The following SSH2 variants were observed in gnomAD, a reference collection of about 807,000 sequenced individuals.
The protein encoded by SSH2 is slingshot protein phosphatase 2, also known as protein phosphatase Slingshot homolog 2.
SSH2 carries 37 observed loss-of-function variants against 135.2 expected under a neutral mutation model. The observed-to-expected ratio is 0.27, with a 90% CI of 0.21 to 0.36. SSH2 has a LOEUF of 0.36. Ranked by LOEUF, SSH2 falls within the 10% of genes least tolerant of loss-of-function variation. The pLI is 1.00. For synonymous variants in SSH2, 628 were observed against 646.2 expected, an observed-to-expected ratio of 0.97 and a Z score of 0.43; for missense variants, 1,408 against 1,765.3, an observed-to-expected ratio of 0.80 and a Z score of 3.63.
At chr17:29,839,834 A>C (rs1225393205) in intron 2 of SSH2, among the ~76,000 whole-genome samples, 1 of 152,228 alleles carries the variant, frequency 6.6e-6, no homozygotes, top group African/African-American at 2.4e-5. Context: ...CATAAGTTAA[A>C]GAGCACCGGC....
chr17:29,709,296 A>G (rs190382615), intron 3 of SSH2, among the ~76,000 whole-genome samples: 4 of 152,210 alleles, frequency 2.6e-5, no homozygotes, highest in South Asian at 2.1e-4. Context: ...ATGCTCTACC[A>G]TGTTGTTTTC....
rs375395373 is a variant in SSH2, at chr17:29,848,208, A to G, written c.144+641T>C. Among the ~76,000 whole-genome samples the G allele has an allele frequency of 8.5e-5, 13 of 152,310 alleles. 1 individual carries two copies. The highest frequency in any genetic ancestry group is 2.9e-4 in the African/African-American group (12 of 41,572). ...GATATACTGAGAATTTCCACTGCTC[A>G]TTGCAACACACAAAAATAAGTCAAT... is the stretch of plus-strand genomic sequence containing the variant. On this transcript the variant is annotated intron_variant, in intron 2 of 15. Transcript: ENST00000540801.
At chr17:29,927,492 T>C (rs1019359571) in intron 1 of SSH2, among the ~76,000 whole-genome samples, 5 of 152,204 alleles carry the variant, frequency 3.3e-5, no homozygotes, top group Non-Finnish European at 5.9e-5. Flanking sequence ...AACAGCGTAC[T>C]TAAAGTGATT....
chr17:29,752,688 A>C (rs2040982412), intron 3 of SSH2, among the ~76,000 whole-genome samples: 1 of 152,112 alleles, frequency 6.6e-6, no homozygotes, highest in Admixed American at 6.5e-5. Context: ...CTATATAAAA[A>C]TGTAAAACTT....
chr17:29,898,456 C>A (rs1486877952), intron 1 of SSH2, among the ~76,000 whole-genome samples: 1 of 151,006 alleles, frequency 6.6e-6, no homozygotes, highest in South Asian at 2.1e-4. Context: ...ATATCACCAC[C>A]GATCCCACAG....
chr17:29,710,888 A>C (rs868302538), intron 3 of SSH2, among the ~76,000 whole-genome samples: 2 of 152,292 alleles, frequency 1.3e-5, no homozygotes, highest in South Asian at 2.1e-4. Context: ...AACAGGAGAA[A>C]ATCCAAACTC....
intron 1 of SSH2, among the ~76,000 whole-genome samples, chr17:29,855,601 T>C (rs140548285): frequency 8.1e-4 from 124 of 152,348 alleles, no homozygotes; most frequent in African/African-American, 2.9e-3. Flanking sequence ...TTTAATCCTT[T>C]AAAGGCCAAG....
At chr17:29,632,990 G>T in intron 15 of SSH2, 59 bp from the exon 16 acceptor site, 1 of 1,438,194 alleles carries the variant, frequency 7.0e-7, no homozygotes. Flanking sequence ...GAAAATGCTG[G>T]ATTTTCTGCT....
At chr17:29,852,976 C>A (rs777850662) in intron 1 of SSH2, among the ~76,000 whole-genome samples, 2 of 151,774 alleles carry the variant, frequency 1.3e-5, no homozygotes, top group Non-Finnish European at 1.5e-5. Flanking sequence ...TACTAAACTA[C>A]ACAATTATTT....
At chr17:29,843,191 A>G (rs1362903501) in intron 2 of SSH2, among the ~76,000 whole-genome samples, 1 of 152,148 alleles carries the variant, frequency 6.6e-6, no homozygotes, top group Non-Finnish European at 1.5e-5. Context: ...TTCATCCACT[A>G]CTATCTTGTT....
In SSH2 at chr17:29,632,244, G is replaced by T; in HGVS notation, c.2950C>A (p.Pro984Thr). The change falls in exon 16 of 16, where the codon CCC becomes ACC. Residue 984 changes from proline (P) to threonine (T), a missense_variant. Around this residue, in one of 3 missense-constraint regions of SSH2, gnomAD observed 1,080 missense variants for 1,144.5 expected, o/e 0.94. Coordinates refer to ENST00000540801, the MANE Select transcript of SSH2 (RefSeq NM_001282129.2). ...HSEQNATVPA[P>T]RVLEFDHLPD... ...AAGTGGTCAAACTCCAGCACCCTGG[G>T]AGCTGGAACAGTGGCATTCTGCTCA... The T allele has an allele frequency of 6.2e-7, 1 of 1,613,966 alleles. No homozygotes were observed. The highest frequency in any genetic ancestry group is 8.5e-7 in the Non-Finnish European group (1 of 1,179,968).
intron 2 of SSH2, among the ~76,000 whole-genome samples, chr17:29,812,161 C>CT (rs748811941): frequency 0.02 from 2,478 of 121,592 alleles, 42 homozygotes; most frequent in African/African-American, 0.044. Context: ...AGTATGTGTT[C>CT]TTTTTTTTTT....
In SSH2 at chr17:29,627,523, A is replaced by G. The variant is rs1488918992; in HGVS notation, c.*3318T>C. 2 of 152,374 alleles carry G rather than the reference A, an allele frequency of 1.3e-5. No homozygotes were observed. Among genetic ancestry groups the G allele is most frequent in the South Asian group, 2.1e-4 (1 of 4,830 alleles). The allele number at this position is 152,374 out of a possible 1,614,324, so 9.4% of individuals were successfully genotyped here. ...AGCTCTGGGTAGTTTGCAAAATGAG[A>G]AAGAGGAACTATCAGTAGGGATAAA... is the stretch of plus-strand genomic sequence containing the variant. On this transcript the variant is annotated 3_prime_UTR_variant, in exon 16 of 16. Coordinates refer to ENST00000540801, the MANE Select transcript of SSH2 (RefSeq NM_001282129.2).
rs776102754 is a variant in SSH2, at chr17:29,672,003, G to A, written c.741C>T (p.Val247=). The A allele has an allele frequency of 6.8e-6, 11 of 1,614,218 alleles. No homozygotes were observed. In the Admixed American group the frequency reaches 1.8e-4, roughly 27 times the overall value. The stretch of plus-strand genomic sequence containing the variant: ...CATCTTGCATTGCATTCCATTCATT[G>A]ACTGAGGATTGATCTGAGTTGATAT... ...ESHINSDQSS[V]NEWNAMQDVQ... Residue 247 remains valine (V), a synonymous_variant, in exon 9 of 16, where the codon GTC becomes GTT. Transcript: ENST00000540801.
chr17:29,887,638 G>C (rs1441279429), intron 1 of SSH2, among the ~76,000 whole-genome samples: 1 of 152,152 alleles, frequency 6.6e-6, no homozygotes, highest in Non-Finnish European at 1.5e-5. Context: ...TATTGATAAA[G>C]AGTTCAGAAT....
At chr17:29,865,326 G>T (rs2065835217) in intron 1 of SSH2, among the ~76,000 whole-genome samples, 1 of 152,216 alleles carries the variant, frequency 6.6e-6, no homozygotes, top group Non-Finnish European at 1.5e-5. Flanking sequence ...AGCTTGGAGG[G>T]AAGAAAGAGA....
chr17:29,670,974 A>G (rs1461263140), intron 9 of SSH2, among the ~76,000 whole-genome samples: 1 of 152,198 alleles, frequency 6.6e-6, no homozygotes, highest in Non-Finnish European at 1.5e-5. Flanking sequence ...TTTACAAAGC[A>G]GGCACTAAGT....
At chr17:29,813,176 A>G (rs2042478829) in intron 2 of SSH2, among the ~76,000 whole-genome samples, 1 of 151,960 alleles carries the variant, frequency 6.6e-6, no homozygotes, top group Non-Finnish European at 1.5e-5. Context: ...TGAGGTCAGG[A>G]GTTCAAGACC....
chr17:29,643,107 T>C (rs763558315), intron 14 of SSH2: 34 of 985,038 alleles, frequency 3.5e-5, no homozygotes, highest in Admixed American at 1.2e-4. Context: ...TTACCTAAAT[T>C]GCAAGGCTTG....
Sources: gnomAD v4.1 joint callset for allele counts (sites outside exome capture counted in the v4.1 genomes callset) on GRCh38, gnomAD v4.1.1 for gene constraint, gnomAD v4.1.1 regional missense constraint, MANE v1.5 for transcripts, NCBI Gene and HGNC (gene_info 2026-07-23, HGNC 2026-07-21) for gene names.